The following MCM8 variants were observed in gnomAD, a reference collection of about 807,000 sequenced individuals.
The protein encoded by MCM8 is DNA helicase MCM8.
In MCM8, 85 loss-of-function variants were observed where a neutral mutation model predicts 98.9. The observed-to-expected ratio is 0.86, with a 90% CI of 0.72 to 1.03. The LOEUF (loss-of-function observed/expected upper bound fraction) is 1.03. Ranked by LOEUF, MCM8 falls within the 50% of genes least tolerant of loss-of-function variation. MCM8 has a pLI of 0.00. For synonymous variants in MCM8, 352 were observed against 338.6 expected, an observed-to-expected ratio of 1.04 and a Z score of -0.44; for missense variants, 951 against 997.8, an observed-to-expected ratio of 0.95 and a Z score of 0.63.
Position 5,979,278 on chromosome 20 carries a change from CTGT to C in MCM8, c.1537+1266_1537+1268del, listed in dbSNP as rs375551629. 3.4e-3 allele frequency among the ~76,000 whole-genome samples: 517 copies of C among 152,268 alleles called. 1 individual carries two copies. The highest frequency in any genetic ancestry group is 5.8e-3 in the Non-Finnish European group (392 of 68,032). ...GTTCTTCATCTCCACAACCTCTTAC[CTGT>C]TGTTAACTAAGGTGCTTAGTTCTTG... On this transcript the variant is annotated intron_variant, in intron 13 of 18. Transcript: ENST00000610722.
At chr20:5,955,538 C>T (rs2088956145) in intron 5 of MCM8, among the ~76,000 whole-genome samples, 1 of 152,110 alleles carries the variant, frequency 6.6e-6, no homozygotes, top group African/African-American at 2.4e-5. Flanking sequence ...ACTTTGCTTT[C>T]AAGAAGTTAT....
At position 5,951,828 on chromosome 20, in the gene MCM8, A is replaced by G. The variant is rs549589996; in HGVS notation, c.-5-183A>G. Among the ~76,000 whole-genome samples the G allele has an allele frequency of 4.4e-4, 67 of 152,354 alleles. 1 individual carries two copies. Among genetic ancestry groups the G allele is most frequent in the Middle Eastern group, 3.4e-3 (1 of 294 alleles). ...CTATTATGGTATACCTTAAAAAGCGATAGAGATTAGAAACTTAACTGCAGA... is the reference window on the plus strand; with the variant it reads ...CTATTATGGTATACCTTAAAAAGCGGTAGAGATTAGAAACTTAACTGCAGA... On this transcript the variant is annotated intron_variant, in intron 1 of 18. Coordinates refer to ENST00000610722, the MANE Select transcript of MCM8 (RefSeq NM_032485.6).
At chr20:5,965,607 G>C (rs1323101466) in intron 8 of MCM8, 1 of 152,040 alleles carries the variant, frequency 6.6e-6, no homozygotes, top group African/African-American at 2.4e-5. Flanking sequence ...GTTTTGTTTT[G>C]TTGGTTTTTA....
chr20:5,968,494 A>T (rs2089328038), intron 10 of MCM8, among the ~76,000 whole-genome samples: 1 of 152,234 alleles, frequency 6.6e-6, no homozygotes, highest in Non-Finnish European at 1.5e-5. Context: ...CAGTGAGCCA[A>T]GATCGTGCCA....
intron 6 of MCM8, among the ~76,000 whole-genome samples, chr20:5,958,253 C>T (rs2089039704): frequency 6.6e-6 from 1 of 152,170 alleles, no homozygotes. Flanking sequence ...CCTGTAGTCC[C>T]AGCTACTCGG....
chr20:5,985,258 A>G (rs1207409375), intron 15 of MCM8, among the ~76,000 whole-genome samples: 6 of 152,048 alleles, frequency 3.9e-5, no homozygotes, highest in Non-Finnish European at 8.8e-5. Flanking sequence ...ATCCTGGCCA[A>G]CATGATGAAA....
chr20:5,978,566 GT>G (rs1160593634), intron 13 of MCM8, among the ~76,000 whole-genome samples: 19 of 152,122 alleles, frequency 1.2e-4, no homozygotes, highest in Admixed American at 1.2e-3. Flanking sequence ...TACTTTCGAT[GT>G]TTTTTTCTTT....
At chr20:5,961,636 A>T (rs1419963236) in intron 7 of MCM8, among the ~76,000 whole-genome samples, 4 of 152,162 alleles carry the variant, frequency 2.6e-5, no homozygotes, top group Non-Finnish European at 5.9e-5. Context: ...TTTAAACCAG[A>T]TATTTTCTTC....
intron 10 of MCM8, among the ~76,000 whole-genome samples, chr20:5,968,286 T>C (rs945919552): frequency 6.6e-6 from 1 of 152,254 alleles, no homozygotes; most frequent in Non-Finnish European, 1.5e-5. Context: ...GGCTCACGCC[T>C]GTAATCCCAG....
intron 11 of MCM8, chr20:5,972,727 G>T (rs559388658): frequency 1.5e-6 from 2 of 1,306,172 alleles, no homozygotes; most frequent in Non-Finnish European, 1.0e-6. Flanking sequence ...GCTACTTTTG[G>T]TAAGAAATGG....
rs139718304 is a variant in MCM8, at chr20:5,954,592, A to G, written c.254-16A>G. 5.5e-4 allele frequency: 842 copies of G among 1,519,068 alleles called. 8 individuals carry two copies. The African/African-American group carries it at 0.01, about 19-fold the overall frequency. 94.1% of individuals were successfully genotyped at this position (1,519,068 alleles called of 1,614,324 possible). A position where few individuals can be genotyped will look rare whatever the true frequency, so the allele number is the denominator to read the frequency against. On this transcript the variant is annotated splice_polypyrimidine_tract_variant and intron_variant, in intron 3 of 18. Transcript: ENST00000610722. ...CTGTGTGATTATTTGTGCTAATGCC[A>G]TATTTGTTGGATTAGTTTACAGCGA...
At chr20:5,962,217 T>C (rs998159227) in intron 7 of MCM8, among the ~76,000 whole-genome samples, 1 of 152,132 alleles carries the variant, frequency 6.6e-6, no homozygotes, top group African/African-American at 2.4e-5. Flanking sequence ...AGAAGTGCAG[T>C]TGGTAGGCAG....
rs758494858 is a variant in MCM8 at position 5,955,162 on chromosome 20, G to A, written c.397G>A (p.Glu133Lys). 6.2e-7 allele frequency: 1 copy of A among 1,612,820 alleles called. No individual in the cohort carries two copies. Among genetic ancestry groups the A allele is most frequent in the Non-Finnish European group, 8.5e-7 (1 of 1,178,908 alleles). ...TTTTAAAGAACTGACAGAAGGTGGT[G>A]AAGTAACTAACTTGATACCAGATAT... is the stretch of plus-strand genomic sequence containing the variant. Reference protein sequence around the residue: ...VDFKELTEGGEVTNLIPDIAT... With the variant: ...VDFKELTEGGKVTNLIPDIAT... The change falls in exon 5 of 19, where the codon GAA (glutamate) becomes AAA (lysine). Residue 133 changes from glutamate (E) to lysine (K), a missense_variant. Coordinates refer to ENST00000610722, the MANE Select transcript of MCM8 (RefSeq NM_032485.6).
At chr20:5,991,040 A>C (rs2122838289) in intron 17 of MCM8, 1 of 152,350 alleles carries the variant, frequency 6.6e-6, no homozygotes, top group South Asian at 2.1e-4. Context: ...ACTAAGGGGT[A>C]CACTACCCTG....
At chr20:5,973,602 C>T (rs755978302) in intron 12 of MCM8, among the ~76,000 whole-genome samples, 13 of 152,278 alleles carry the variant, frequency 8.5e-5, no homozygotes, top group South Asian at 6.2e-4. Flanking sequence ...GAACAGTCTG[C>T]TAAAGGTGTG....
chr20:5,952,104 A>G lies in MCM8; in HGVS notation c.89A>G (p.Lys30Arg), dbSNP rs906306910. Reference protein sequence around the residue: ...RGRGGGNFSGKWREREHRPDL... With the variant: ...RGRGGGNFSGRWREREHRPDL... ...AGAGGTGGTGGGAACTTCTCAGGAA[A>G]ATGGAGAGAAAGAGAACACAGACCT... Residue 30 changes from lysine to arginine, a missense_variant, in exon 2 of 19, where the codon AAA becomes AGA. Lys to Arg is a conservative substitution (Grantham distance 26). Transcript: ENST00000610722. 1.2e-6 allele frequency: 2 copies of G among 1,614,128 alleles called. No individual in the cohort carries two copies. Among genetic ancestry groups the G allele is most frequent in the Non-Finnish European group, 1.7e-6 (2 of 1,180,004 alleles).
In MCM8 at chr20:5,993,685, T is replaced by G; in HGVS notation, c.2420T>G (p.Leu807Arg). 1 of 1,601,544 alleles carries G rather than the reference T, an allele frequency of 6.2e-7. No individual in the cohort carries two copies. The highest frequency in any genetic ancestry group is 8.5e-7 in the Non-Finnish European group (1 of 1,172,032). The change falls in exon 18 of 19, where the codon CTA becomes CGA. Residue 807 changes from leucine (L) to arginine (R), a missense_variant. Physicochemically the swap from Leu to Arg is moderately radical, Grantham distance 102. Coordinates refer to ENST00000610722, the MANE Select transcript of MCM8 (RefSeq NM_032485.6). The stretch of plus-strand genomic sequence containing the variant: ...CAACTTCGGCAGATTGCCAAAGAAC[T>G]AAACATTCAGGTATGTTAAACTAGT... ...FHQLRQIAKE[L>R]NIQVADFENF... is the part of the protein sequence containing the mutation.
At chr20:5,978,061 AAAAGCCTTT>A in intron 13 of MCM8, 44 bp downstream of exon 13, 2 of 1,607,112 alleles carry the variant, frequency 1.2e-6, no homozygotes, top group Non-Finnish European at 1.7e-6. Flanking sequence ...GGACTTTTTG[AAAAGCCTTT>A]TCCTTTTCAG....
Position 5,984,904 on chromosome 20 carries a change from C to T in MCM8, c.1857C>T (p.Thr619=), listed in dbSNP as rs1204433460. Residue 619 remains threonine, a synonymous_variant, in exon 15 of 19, where the codon ACC becomes ACT. Coordinates refer to ENST00000610722, the MANE Select transcript of MCM8 (RefSeq NM_032485.6). ...VIAIRAGKQR[T]ISSATVARMN... ...CAATAAGAGCTGGAAAGCAGAGAAC[C>T]ATTAGCAGTGCCACAGTAGCTCGTA... The T allele has an allele frequency of 2.5e-6, 4 of 1,613,942 alleles. No homozygotes were observed. The highest frequency in any genetic ancestry group is 3.4e-6 in the Non-Finnish European group (4 of 1,180,002).
Sources: gnomAD v4.1 joint callset for allele counts (sites outside exome capture counted in the v4.1 genomes callset) on GRCh38, gnomAD v4.1.1 for gene constraint, MANE v1.5 for transcripts, NCBI Gene and HGNC (gene_info 2026-07-23, HGNC 2026-07-21) for gene names.